Variants in CDH13 observed in about 807,000 individuals in gnomAD.
CDH13 encodes the protein cadherin 13.
Under a neutral mutation model 63.8 loss-of-function variants are expected in CDH13, and 24 were observed. The observed-to-expected ratio is 0.38, with a 90% CI of 0.27 to 0.53. The LOEUF is 0.53. Among genes scored for constraint, CDH13 ranks in the 20% least tolerant of loss-of-function variants. The pLI is 0.85. For missense variants in CDH13, 1,049 were observed against 903.1 expected, an observed-to-expected ratio of 1.16 and a Z score of -2.07; for synonymous variants, 503 against 355.3, an observed-to-expected ratio of 1.42 and a Z score of -4.67.
chr16:83,652,714 G>A (rs1056858957), intron 8 of CDH13, among the ~76,000 whole-genome samples: 3 of 152,142 alleles, frequency 2.0e-5, no homozygotes, highest in African/African-American at 7.2e-5. Context: ...AGCAACCCAA[G>A]GGCTACATAT....
At chr16:82,843,687 C>T (rs2194283) in intron 1 of CDH13, among the ~76,000 whole-genome samples, 37,550 of 152,166 alleles carry the variant, frequency 0.25, 4,934 homozygotes, top group Middle Eastern at 0.33. Context: ...TAAAAACCTT[C>T]CCATGTGATG....
chr16:83,466,696 T>G (rs919893533), intron 6 of CDH13, among the ~76,000 whole-genome samples: 1 of 152,146 alleles, frequency 6.6e-6, no homozygotes, highest in African/African-American at 2.4e-5. Context: ...CTGGTCGACC[T>G]CTCCTGGATT....
At chr16:83,509,311 T>C (rs1218921705) in intron 7 of CDH13, among the ~76,000 whole-genome samples, 4 of 152,218 alleles carry the variant, frequency 2.6e-5, no homozygotes, top group African/African-American at 9.6e-5. Context: ...ATCAGGAAGA[T>C]GCCCAGGTAT....
chr16:83,031,077 A>G (rs1916263150), intron 2 of CDH13, among the ~76,000 whole-genome samples: 1 of 151,446 alleles, frequency 6.6e-6, no homozygotes, highest in African/African-American at 2.4e-5. Context: ...ATTGTGCTGT[A>G]TACATATATG....
chr16:83,750,162 G>A (rs1912961608), intron 11 of CDH13, among the ~76,000 whole-genome samples: 1 of 152,018 alleles, frequency 6.6e-6, no homozygotes, highest in Non-Finnish European at 1.5e-5. Context: ...TGGGCATGGT[G>A]GCACACACAT....
intron 6 of CDH13, among the ~76,000 whole-genome samples, chr16:83,485,147 A>G (rs1176170563): frequency 6.6e-6 from 1 of 152,210 alleles, no homozygotes; most frequent in South Asian, 2.1e-4. Flanking sequence ...CATTTTGGCA[A>G]TTCCCCTGTT....
chr16:82,652,633 C>T (rs1015124854), intron 1 of CDH13, among the ~76,000 whole-genome samples: 2 of 140,210 alleles, frequency 1.4e-5, no homozygotes, highest in Non-Finnish European at 3.0e-5. Flanking sequence ...TTGGAAGCTG[C>T]TGCTGCTGCT....
intron 1 of CDH13, chr16:82,826,757 G>C (rs1370834947): frequency 6.6e-6 from 1 of 152,200 alleles, no homozygotes; most frequent in Non-Finnish European, 1.5e-5. Context: ...GGATTTGCTG[G>C]TGAAACAGTT....
intron 1 of CDH13, among the ~76,000 whole-genome samples, chr16:82,769,874 T>A (rs1597516444): frequency 1.3e-5 from 2 of 152,190 alleles, no homozygotes; most frequent in Admixed American, 6.5e-5. Context: ...TGTGACAGGA[T>A]AAGTCAGAGA....
At chr16:82,879,929 A>T (rs1053051336) in intron 2 of CDH13, among the ~76,000 whole-genome samples, 1 of 133,034 alleles carries the variant, frequency 7.5e-6, no homozygotes, top group African/African-American at 2.7e-5. Context: ...TATTATAGAA[A>T]TATATAATAT....
intron 6 of CDH13, among the ~76,000 whole-genome samples, chr16:83,430,614 A>T (rs537060375): frequency 2.6e-5 from 4 of 152,250 alleles, no homozygotes; most frequent in African/African-American, 7.2e-5. Flanking sequence ...GAGCATTTTC[A>T]GTGGTAAAGA....
chr16:83,479,871 C>G (rs144907959), intron 6 of CDH13, among the ~76,000 whole-genome samples: 2 of 152,250 alleles, frequency 1.3e-5, no homozygotes, highest in African/African-American at 4.8e-5. Context: ...ACACGGTATT[C>G]TATAGAATTA....
chr16:83,530,486 C>T (rs922710304), intron 7 of CDH13, among the ~76,000 whole-genome samples: 1 of 152,200 alleles, frequency 6.6e-6, no homozygotes, highest in Non-Finnish European at 1.5e-5. Context: ...AGCACTGTGG[C>T]TCTGTCCTTG....
At chr16:83,602,716 G>A in intron 8 of CDH13, 122 bp downstream of exon 8, 1 of 990,294 alleles carries the variant, frequency 1.0e-6, no homozygotes, top group Non-Finnish European at 1.6e-6. Flanking sequence ...CTCCTTTGTG[G>A]GAGAGACGAT....
intron 5 of CDH13, among the ~76,000 whole-genome samples, chr16:83,309,078 T>G (rs1172857567): frequency 6.6e-6 from 1 of 152,216 alleles, no homozygotes; most frequent in African/African-American, 2.4e-5. Context: ...GCTTGGTGCT[T>G]GTCCCTCCAT....
intron 5 of CDH13, among the ~76,000 whole-genome samples, chr16:83,266,028 C>A (rs1213791136): frequency 6.6e-6 from 1 of 152,066 alleles, no homozygotes; most frequent in Non-Finnish European, 1.5e-5. Context: ...CCTCTGCCTC[C>A]CAGCTTCAAG....
intron 7 of CDH13, among the ~76,000 whole-genome samples, chr16:83,489,939 C>T (rs542042773): frequency 6.7e-4 from 102 of 151,220 alleles, no homozygotes; most frequent in Non-Finnish European, 1.3e-3. Context: ...TCTCAAATTG[C>T]GTGTTGGAAC....
Position 83,047,895 on chromosome 16 carries a change from G to A in CDH13, c.366+15677G>A, listed in dbSNP as rs1156417866. On this transcript the variant is annotated intron_variant, in intron 3 of 13. Transcript: ENST00000567109. The surrounding 1 kb of genome is among the most constrained non-coding windows in gnomAD (Gnocchi z 4.9). ...TTCATTTTACAGGTGAATAAAGGAA[G>A]ACGGGGAGACTATGTGTGACCAGCA... Among the ~76,000 whole-genome samples the A allele has an allele frequency of 2.0e-5, 3 of 152,172 alleles. No homozygotes were observed. Among genetic ancestry groups the A allele is most frequent in the Non-Finnish European group, 4.4e-5 (3 of 68,046 alleles).
intron 10 of CDH13, among the ~76,000 whole-genome samples, chr16:83,692,170 T>C (rs900929318): frequency 6.6e-6 from 1 of 152,216 alleles, no homozygotes; most frequent in African/African-American, 2.4e-5. Flanking sequence ...CTCCAACTTC[T>C]GTTTTTCAGA....
Sources: allele counts gnomAD v4.1 joint callset (sites outside exome capture counted in the v4.1 genomes callset), GRCh38; gene constraint gnomAD v4.1.1; non-coding constraint Gnocchi (gnomAD v3.1); transcripts MANE v1.5; gene names NCBI Gene and HGNC (gene_info 2026-07-23, HGNC 2026-07-21).